Variants in RBFOX3 observed in about 807,000 individuals in gnomAD.
RBFOX3 encodes RNA binding fox-1 homolog 3, also known as RNA binding protein fox-1 homolog 3.
Under a neutral mutation model 48.7 loss-of-function variants are expected in RBFOX3, and 17 were observed. The ratio of observed to expected loss-of-function variants is 0.35; its 90% CI spans 0.24 to 0.52. The LOEUF (loss-of-function observed/expected upper bound fraction) is 0.52. Ranked by LOEUF, RBFOX3 falls within the 20% of genes least tolerant of loss-of-function variation. RBFOX3 has a pLI of 0.94. For missense variants in RBFOX3, 382 were observed against 497.5 expected (o/e 0.77, Z 2.21); for synonymous variants, 212 against 209.5 (o/e 1.01, Z -0.10).
At chr17:79,109,859 G>A (rs996824178) in intron 5 of RBFOX3, among the ~76,000 whole-genome samples, 1 of 152,206 alleles carries the variant, frequency 6.6e-6, no homozygotes, top group East Asian at 1.9e-4. Context: ...AGGATGAGGC[G>A]GGAGGAAGGG....
rs1219443793 is a variant in RBFOX3, at chr17:79,361,709, G to A, written c.-174-53885C>T. Among the ~76,000 whole-genome samples, 1 of 152,320 alleles carries A rather than the reference G, an allele frequency of 6.6e-6. No individual in the cohort carries two copies. The highest frequency in any genetic ancestry group is 1.9e-4 in the East Asian group (1 of 5,176). ...TTCATTTCTTGGTCTTTGGGCCAAG[G>A]TCATGTGTGTGTGCACACGTGTGTG... On this transcript the variant is annotated intron_variant, in intron 2 of 14. Transcript: ENST00000693108. The surrounding 1 kb of genome is among the most constrained non-coding windows in gnomAD (Gnocchi z 4.5).
chr17:79,307,190 C>T (rs752736846), intron 3 of RBFOX3, among the ~76,000 whole-genome samples: 19 of 152,232 alleles, frequency 1.2e-4, no homozygotes, highest in Non-Finnish European at 1.8e-4. Flanking sequence ...GCAGCGTGTC[C>T]GCCCTGTTGC....
At chr17:79,113,524 G>A (rs2032831254) in intron 5 of RBFOX3, among the ~76,000 whole-genome samples, 2 of 152,152 alleles carry the variant, frequency 1.3e-5, no homozygotes, top group South Asian at 4.1e-4. Flanking sequence ...GGAAGGTCAA[G>A]GCCGTCTGTC....
chr17:79,620,431 GCACA>G, the RBFOX3 span, among the ~76,000 whole-genome samples: 1 of 134,570 alleles, frequency 7.4e-6, no homozygotes, highest in East Asian at 2.2e-4. Flanking sequence ...ACACGCACGT[GCACA>G]CATGCACATG....
At chr17:79,567,003 C>T (rs2092478411) in intron 1 of RBFOX3, among the ~76,000 whole-genome samples, 1 of 152,040 alleles carries the variant, frequency 6.6e-6, no homozygotes, top group Non-Finnish European at 1.5e-5. Flanking sequence ...ACCCTGCAAC[C>T]GAGGACTCAC....
At chr17:79,313,236 G>T (rs2077086891) in intron 2 of RBFOX3, among the ~76,000 whole-genome samples, 1 of 152,210 alleles carries the variant, frequency 6.6e-6, no homozygotes, top group South Asian at 2.1e-4. Flanking sequence ...AATTATCAAA[G>T]GGGTAGGGCA....
chr17:79,272,286 C>A (rs1183964731), intron 3 of RBFOX3, among the ~76,000 whole-genome samples: 1 of 152,150 alleles, frequency 6.6e-6, no homozygotes, highest in Non-Finnish European at 1.5e-5. Context: ...TTGAATGAGA[C>A]CCTCACATTC....
intron 2 of RBFOX3, among the ~76,000 whole-genome samples, chr17:79,369,636 C>G (rs2058258990): frequency 6.6e-6 from 1 of 152,148 alleles, no homozygotes; most frequent in Admixed American, 6.5e-5. Context: ...CCATCTTGGT[C>G]AGTTCTGCCC....
At chr17:79,129,279 A>G (rs1410019935) in intron 4 of RBFOX3, among the ~76,000 whole-genome samples, 1 of 152,250 alleles carries the variant, frequency 6.6e-6, no homozygotes, top group African/African-American at 2.4e-5. Flanking sequence ...AAAGAAACTC[A>G]GAGTGGGGAA....
rs893408417 is a variant in RBFOX3, at chr17:79,311,159, G to T, written c.-174-3335C>A. Among the ~76,000 whole-genome samples the T allele has an allele frequency of 2.0e-5, 3 of 152,176 alleles. No individual in the cohort carries two copies. The highest frequency in any genetic ancestry group is 2.1e-4 in the South Asian group (1 of 4,826). ...CTCAAGACCGCAGCACCAGCTGGGC[G>T]CAGTGGCTCACGCCTATAATCCCAG... On this transcript the variant is annotated intron_variant, in intron 2 of 14. Transcript: ENST00000693108. This position sits in a 1 kb window ranked among gnomAD's most constrained non-coding sequence, Gnocchi z 4.2.
intron 2 of RBFOX3, among the ~76,000 whole-genome samples, chr17:79,397,000 G>C (rs987404366): frequency 2.6e-5 from 4 of 152,234 alleles, no homozygotes; most frequent in African/African-American, 4.8e-5. Context: ...CGCAGAGCCT[G>C]AATCTTGGAA....
At chr17:79,371,406 C>A (rs998765798) in intron 2 of RBFOX3, among the ~76,000 whole-genome samples, 8 of 152,200 alleles carry the variant, frequency 5.3e-5, no homozygotes, top group African/African-American at 1.9e-4. Context: ...TGCCCATGCT[C>A]GCCCTCCCCT....
chr17:79,426,420 A>T (rs548112289), intron 2 of RBFOX3, among the ~76,000 whole-genome samples: 8 of 152,332 alleles, frequency 5.3e-5, no homozygotes, highest in African/African-American at 1.9e-4. Context: ...CTGAGAGGTG[A>T]CAACAATGAA....
the RBFOX3 span, among the ~76,000 whole-genome samples, chr17:79,623,797 G>A: frequency 6.8e-6 from 1 of 147,304 alleles, no homozygotes; most frequent in African/African-American, 2.6e-5. Flanking sequence ...ACTCCAGCCT[G>A]AGCAACAAGA....
intron 3 of RBFOX3, among the ~76,000 whole-genome samples, chr17:79,294,001 T>C (rs948221153): frequency 7.2e-5 from 11 of 152,160 alleles, no homozygotes; most frequent in Non-Finnish European, 1.3e-4. Flanking sequence ...AGCAATGACA[T>C]AGTCTCACAG....
At chr17:79,241,176 C>CTTT (rs77856240) in intron 3 of RBFOX3, among the ~76,000 whole-genome samples, 12 of 142,156 alleles carry the variant, frequency 8.4e-5, no homozygotes, top group African/African-American at 2.9e-4. Flanking sequence ...TCTATTTAAT[C>CTTT]TTTTTTTTTT....
chr17:79,266,812 T>C (rs1051490167), intron 3 of RBFOX3, among the ~76,000 whole-genome samples: 13 of 152,110 alleles, frequency 8.5e-5, no homozygotes, highest in African/African-American at 2.9e-4. Flanking sequence ...CCCCTAAGTG[T>C]GGTGGAGCTT....
intron 4 of RBFOX3, among the ~76,000 whole-genome samples, chr17:79,118,078 G>T (rs560513487): frequency 6.6e-6 from 1 of 151,974 alleles, no homozygotes; most frequent in East Asian, 2.0e-4. Flanking sequence ...CAACCCAGCC[G>T]TGCCCTGCTC....
rs1018865008 is a variant in RBFOX3 at position 79,570,911 on chromosome 17, T to A, written c.-320+39915A>T. On this transcript the variant is annotated intron_variant, in intron 1 of 14. Coordinates refer to ENST00000693108, the MANE Select transcript of RBFOX3 (RefSeq NM_001350451.2). ...ATAGAATGTCATGTCTCAGGAAGGA[T>A]GAAGAAACCTGTAAACCACAGATAA... 2.8e-4 allele frequency among the ~76,000 whole-genome samples: 42 copies of A among 152,176 alleles called. 1 individual carries two copies. The East Asian group carries it at 7.2e-3, about 26-fold the overall frequency.
Sources: gnomAD v4.1 joint callset for allele counts (sites outside exome capture counted in the v4.1 genomes callset) on GRCh38, gnomAD v4.1.1 for gene constraint, Gnocchi (gnomAD v3.1) non-coding constraint, MANE v1.5 for transcripts, NCBI Gene and HGNC (gene_info 2026-07-23, HGNC 2026-07-21) for gene names.